ACAP2: variants seen among roughly 807,000 people sequenced by gnomAD.
ACAP2 encodes the protein ArfGAP with coiled-coil, ankyrin repeat and PH domains 2, also known as arf-GAP with coiled-coil, ANK repeat and PH domain-containing protein 2.
Under a neutral mutation model 115.8 loss-of-function variants are expected in ACAP2, and 39 were observed. The ratio of observed to expected loss-of-function variants is 0.34; its 90% CI spans 0.26 to 0.44. The LOEUF (loss-of-function observed/expected upper bound fraction) is 0.44, where lower values mean the gene tolerates loss of function less well. ACAP2 is among the 20% of genes least tolerant of loss of function. The pLI, the probability that ACAP2 is intolerant of heterozygous loss-of-function variation, is 1.00. For missense variants in ACAP2, 662 were observed against 927.6 expected (o/e 0.71, Z 3.72); for synonymous variants, 289 against 315.8 (o/e 0.92, Z 0.90).
chr3:195,409,571 T>C (rs893471308), intron 1 of ACAP2, among the ~76,000 whole-genome samples: 4 of 152,152 alleles, frequency 2.6e-5, no homozygotes, highest in African/African-American at 9.7e-5. Flanking sequence ...ACAATGATGT[T>C]TTTTGTAGAA....
intron 2 of ACAP2, among the ~76,000 whole-genome samples, chr3:195,390,129 G>C (rs1388594809): frequency 5.3e-5 from 8 of 152,272 alleles, no homozygotes; most frequent in Non-Finnish European, 1.2e-4. Context: ...CTGGGAGGCG[G>C]AGGTTGCAAG....
At chr3:195,296,015 G>T in intron 16 of ACAP2, 123 bp from the exon 17 acceptor site, 1 of 710,148 alleles carries the variant, frequency 1.4e-6, no homozygotes, top group Non-Finnish European at 2.3e-6. Flanking sequence ...GGTTAAAACT[G>T]AATCTGTGAC....
At chr3:195,417,912 G>A (rs1322321931) in intron 1 of ACAP2, among the ~76,000 whole-genome samples, 2 of 151,732 alleles carry the variant, frequency 1.3e-5, no homozygotes, top group African/African-American at 4.8e-5. Flanking sequence ...TCACACCCCA[G>A]CCTGGGTGAC....
At chr3:195,412,957 T>A (rs1479609934) in intron 1 of ACAP2, 1 of 453,970 alleles carries the variant, frequency 2.2e-6, no homozygotes, top group East Asian at 7.0e-5. Context: ...ATATGAAATA[T>A]GTATACATGT....
At chr3:195,425,333 G>A (rs1211375817) in intron 1 of ACAP2, among the ~76,000 whole-genome samples, 2 of 152,040 alleles carry the variant, frequency 1.3e-5, no homozygotes, top group African/African-American at 2.4e-5. Context: ...ATTACTTATC[G>A]TTTTGCAATT....
rs1217592069 is a variant in ACAP2 at position 195,345,405 on chromosome 3, ATTC to A, written c.286-91_286-89del. The A allele has an allele frequency of 2.7e-5, 20 of 748,298 alleles. No individual in the cohort carries two copies. The African/African-American group carries it at 3.5e-4, about 13-fold the overall frequency. 46.4% of individuals were successfully genotyped at this position (748,298 alleles called of 1,614,324 possible). On this transcript the variant is annotated intron_variant, in intron 4 of 22. Transcript: ENST00000326793. ...CTATAAATACCACATCCCTCCATCA[ATTC>A]TTCAATTCTAATACCGTCTATATCT...
At chr3:195,279,471 T>G (rs758346090) in intron 22 of ACAP2, 43 bp from the exon 23 acceptor site, 1 of 1,281,502 alleles carries the variant, frequency 7.8e-7, no homozygotes, top group Non-Finnish European at 1.1e-6. Flanking sequence ...TTTACACAAG[T>G]ATTAATCAAA....
At chr3:195,353,576 G>A (rs575935846) in intron 4 of ACAP2, among the ~76,000 whole-genome samples, 15 of 152,244 alleles carry the variant, frequency 9.9e-5, no homozygotes, top group African/African-American at 2.4e-4. Context: ...GCAGATTCAC[G>A]ACAGACTAGG....
chr3:195,278,542 C>T lies in ACAP2; in HGVS notation c.*786G>A, dbSNP rs946710093. 1.3e-5 allele frequency: 2 copies of T among 151,278 alleles called. No individual in the cohort carries two copies. The highest frequency in any genetic ancestry group is 2.9e-5 in the Non-Finnish European group (2 of 67,938). The allele number at this position is 151,278 out of a possible 1,614,324, so 9.4% of individuals were successfully genotyped here. On this transcript the variant is annotated 3_prime_UTR_variant, in exon 23 of 23. Transcript: ENST00000326793. Reference sequence around the variant, plus strand: ...CCTTTAAAACATACTTTTATTCCATCGATACATCTGTCAAGGTTTTGGGGA... The same window carrying T: ...CCTTTAAAACATACTTTTATTCCATTGATACATCTGTCAAGGTTTTGGGGA...
rs749314013 is a variant in ACAP2 at position 195,279,370 on chromosome 3, T to C, written c.2295A>G (p.Pro765=). ...RDFSQMASNN[P]EKLNRFQQDS... is the part of the protein sequence containing the mutation. The stretch of plus-strand genomic sequence containing the variant: ...CTTGCTGGAAACGATTTAGTTTCTC[T>C]GGATTATTGGATGCCATTTGGGAAA... The change falls in exon 23 of 23, where the codon CCA becomes CCG. Residue 765 remains proline, a synonymous_variant. Transcript: ENST00000326793. The C allele has an allele frequency of 1.3e-5, 21 of 1,605,652 alleles. No individual in the cohort carries two copies. The highest frequency in any genetic ancestry group is 3.5e-5 in the Admixed American group (2 of 57,570).
At chr3:195,438,820 G>A (rs868836655) in intron 1 of ACAP2, among the ~76,000 whole-genome samples, 26 of 152,224 alleles carry the variant, frequency 1.7e-4, no homozygotes, top group Middle Eastern at 6.3e-3. Flanking sequence ...AGCACTTTGG[G>A]AGGCTGAGGC....
At chr3:195,299,149 A>G (rs563303651) in intron 15 of ACAP2, among the ~76,000 whole-genome samples, 2 of 152,366 alleles carry the variant, frequency 1.3e-5, no homozygotes, top group East Asian at 1.9e-4. Context: ...ACATCACTGC[A>G]TCAGACTAGT....
chr3:195,327,070 T>C, intron 8 of ACAP2, 111 bp from the exon 9 acceptor site: 1 of 1,043,014 alleles, frequency 9.6e-7, no homozygotes. Flanking sequence ...CAATTTAAGC[T>C]GATTTAATAA....
At chr3:195,348,339 A>C (rs902420687) in intron 4 of ACAP2, among the ~76,000 whole-genome samples, 3 of 151,886 alleles carry the variant, frequency 2.0e-5, no homozygotes, top group Non-Finnish European at 4.4e-5. Context: ...TACATTAAAA[A>C]TTAAAAATAA....
intron 1 of ACAP2, among the ~76,000 whole-genome samples, chr3:195,398,891 G>A (rs139672747): frequency 6.6e-6 from 1 of 152,120 alleles, no homozygotes; most frequent in East Asian, 1.9e-4. Context: ...CAATATTTTA[G>A]TCTGTCAACT....
In ACAP2 at chr3:195,279,377, T is replaced by C. The variant is rs373402885; in HGVS notation, c.2288A>G (p.Asn763Ser). Residue 763 changes from asparagine (N) to serine (S), a missense_variant, in exon 23 of 23, where the codon AAT (asparagine) becomes AGT (serine). This residue lies in a region of ACAP2 where 128 missense variants were observed against 200.2 expected (regional missense o/e 0.64). Coordinates refer to ENST00000326793, the MANE Select transcript of ACAP2 (RefSeq NM_012287.6). ...GAAACGATTTAGTTTCTCTGGATTATTGGATGCCATTTGGGAAAAATCACG... is the reference window on the plus strand; with the variant it reads ...GAAACGATTTAGTTTCTCTGGATTACTGGATGCCATTTGGGAAAAATCACG... ...IFRDFSQMAS[N>S]NPEKLNRFQQ... 1.1e-5 allele frequency: 17 copies of C among 1,606,902 alleles called. No homozygotes were observed. The Admixed American group carries it at 2.1e-4, about 20-fold the overall frequency.
chr3:195,342,412 A>G, intron 6 of ACAP2, 59 bp downstream of exon 6: 1 of 1,466,548 alleles, frequency 6.8e-7, no homozygotes, highest in Non-Finnish European at 9.1e-7. Flanking sequence ...ATCACTCAAA[A>G]GTAACAACCT....
intron 8 of ACAP2, among the ~76,000 whole-genome samples, chr3:195,330,729 G>A (rs537434607): frequency 6.6e-6 from 1 of 152,214 alleles, no homozygotes; most frequent in South Asian, 2.1e-4. Flanking sequence ...ATTCTAGCAG[G>A]TCACGTGGCT....
intron 18 of ACAP2, among the ~76,000 whole-genome samples, chr3:195,293,937 T>C (rs1553844276): frequency 6.9e-6 from 1 of 144,484 alleles, no homozygotes; most frequent in East Asian, 2.1e-4. Flanking sequence ...ATTGAGACCA[T>C]CCTGGCTAAC....
Sources: allele counts gnomAD v4.1 joint callset (sites outside exome capture counted in the v4.1 genomes callset), GRCh38; gene constraint gnomAD v4.1.1; regional missense constraint gnomAD v4.1.1; transcripts MANE v1.5; gene names NCBI Gene and HGNC (gene_info 2026-07-23, HGNC 2026-07-21).